RICTOR: variants seen among roughly 807,000 people sequenced by gnomAD.
The protein encoded by RICTOR is RPTOR independent companion of MTOR complex 2.
RICTOR carries 49 observed loss-of-function variants against 214.9 expected under a neutral mutation model. The observed-to-expected ratio is 0.23, with a 90% CI of 0.18 to 0.29. RICTOR has a LOEUF of 0.29. Ranked by LOEUF, RICTOR falls within the 10% of genes least tolerant of loss-of-function variation. RICTOR has a pLI of 1.00. For synonymous variants in RICTOR, 717 were observed against 711.3 expected (o/e 1.01, Z -0.13); for missense variants, 1,625 against 2,047.0 (o/e 0.79, Z 3.98).
chr5:39,028,712 T>C (rs569569715), intron 2 of RICTOR, among the ~76,000 whole-genome samples: 1 of 152,104 alleles, frequency 6.6e-6, no homozygotes, highest in Non-Finnish European at 1.5e-5. Context: ...TTGTAGTATA[T>C]CTACATATTG....
Position 38,942,302 on chromosome 5 carries a change from G to T in RICTOR, c.*2C>A, listed in dbSNP as rs1579847174. On this transcript the variant is annotated 3_prime_UTR_variant, in exon 38 of 38. Coordinates refer to ENST00000357387, the MANE Select transcript of RICTOR (RefSeq NM_152756.5). ...GTATCTATATCCATCATAAATATGA[G>T]GTCAGGATTCAGCAGATGTATCAAC... 1.9e-6 allele frequency: 3 copies of T among 1,568,442 alleles called. No homozygotes were observed. Among genetic ancestry groups the T allele is most frequent in the African/African-American group, 2.7e-5 (2 of 74,172 alleles).
chr5:39,015,914 C>T (rs1438280343), intron 3 of RICTOR, among the ~76,000 whole-genome samples: 2 of 152,086 alleles, frequency 1.3e-5, no homozygotes, highest in African/African-American at 4.8e-5. Flanking sequence ...TAAGATTGCC[C>T]TGACAGTTAA....
chr5:39,039,989 A>C (rs1757044960), intron 2 of RICTOR, among the ~76,000 whole-genome samples: 1 of 152,174 alleles, frequency 6.6e-6, no homozygotes, highest in Non-Finnish European at 1.5e-5. Flanking sequence ...AGGATTATAA[A>C]TCATGGTGCT....
chr5:38,968,067 T>C (rs772009789), intron 11 of RICTOR, 37 bp from the exon 12 acceptor site: 4 of 1,169,310 alleles, frequency 3.4e-6, no homozygotes, highest in East Asian at 2.3e-5. Context: ...TTTATTTTTA[T>C]GAAACACTTT....
At chr5:39,073,152 G>A (rs573380811) in intron 2 of RICTOR, among the ~76,000 whole-genome samples, 6 of 152,232 alleles carry the variant, frequency 3.9e-5, no homozygotes, top group Non-Finnish European at 5.9e-5. Context: ...ACTTCCTAAG[G>A]TGTTTTATAG....
rs1297648021 is a variant in RICTOR at position 38,940,620 on chromosome 5, A to T, written c.*1684T>A. The T allele has an allele frequency of 2.6e-5, 6 of 232,784 alleles. No homozygotes were observed. In the East Asian group the frequency reaches 3.0e-4, roughly 12 times the overall value. 14.4% of individuals were successfully genotyped at this position (232,784 alleles called of 1,614,324 possible). Reference sequence around the variant, plus strand: ...TGAAGAACCACTTTTCAACATAAGCAGCAGCTTACAGCCCTTATCTGCTTT... The same window carrying T: ...TGAAGAACCACTTTTCAACATAAGCTGCAGCTTACAGCCCTTATCTGCTTT... On this transcript the variant is annotated 3_prime_UTR_variant, in exon 38 of 38. Transcript: ENST00000357387.
In RICTOR at chr5:38,949,803, C is replaced by T. The variant is rs1384004906; in HGVS notation, c.4045G>A (p.Glu1349Lys). 3 of 1,613,322 alleles carry T rather than the reference C, an allele frequency of 1.9e-6. No homozygotes were observed. Among genetic ancestry groups the T allele is most frequent in the African/African-American group, 1.3e-5 (1 of 74,858 alleles). ...QRMHPSLSHS[E>K]ALASPAKDVL... ...TCTTTTGCTGGAGATGCCAAAGCTT[C>T]AGAGTGAGATAAGGATGGATGCATT... The change falls in exon 31 of 38, where the codon GAA becomes AAA. Residue 1349 changes from glutamate to lysine, a missense_variant. Transcript: ENST00000357387.
At chr5:38,942,453 T>A in intron 37 of RICTOR, 75 bp from the exon 38 acceptor site, 3 of 251,134 alleles carry the variant, frequency 1.2e-5, no homozygotes, top group South Asian at 9.9e-5. Context: ...AAATATCTAA[T>A]TTTTTTTTTT....
chr5:39,042,554 T>C (rs958098022), intron 2 of RICTOR, among the ~76,000 whole-genome samples: 3 of 152,190 alleles, frequency 2.0e-5, no homozygotes, highest in African/African-American at 7.2e-5. Flanking sequence ...TTCCTCAATA[T>C]ATAATACAAT....
chr5:39,023,796 T>C (rs975794840), intron 2 of RICTOR, among the ~76,000 whole-genome samples: 2 of 152,236 alleles, frequency 1.3e-5, no homozygotes, highest in Non-Finnish European at 2.9e-5. Flanking sequence ...CTGGGTGTTG[T>C]CTATGACAAC....
intron 2 of RICTOR, among the ~76,000 whole-genome samples, chr5:39,025,484 C>T (rs9292729): frequency 0.62 from 94,508 of 152,156 alleles, 29,425 homozygotes; most frequent in African/African-American, 0.66. Context: ...AAAGCAAGTG[C>T]AGAAAATGGA....
At chr5:39,046,433 A>G (rs2150179158) in intron 2 of RICTOR, among the ~76,000 whole-genome samples, 1 of 133,302 alleles carries the variant, frequency 7.5e-6, no homozygotes, top group East Asian at 2.3e-4. Flanking sequence ...TATCTTTGAA[A>G]TATTACTTTT....
chr5:38,969,131 C>T (rs893516933), intron 11 of RICTOR, among the ~76,000 whole-genome samples: 3 of 151,768 alleles, frequency 2.0e-5, no homozygotes, highest in Admixed American at 6.6e-5. Context: ...CCACCACGCC[C>T]GGCTAATTTT....
chr5:39,022,620 G>C (rs1391535114), intron 2 of RICTOR: 3 of 152,754 alleles, frequency 2.0e-5, no homozygotes, highest in Admixed American at 2.0e-4. Context: ...CTGGTAGCTG[G>C]GGGACAGATG....
rs1031488522 is a variant in RICTOR at position 38,958,586 on chromosome 5, C to T, written c.2344-67G>A. On this transcript the variant is annotated intron_variant, in intron 23 of 37. Transcript: ENST00000357387. The stretch of plus-strand genomic sequence containing the variant: ...TAGCAAAATTTTTAGTTCCAAAATG[C>T]CTATTATATACTTTTACATAATTGT... The T allele has an allele frequency of 1.4e-5, 21 of 1,514,496 alleles. No homozygotes were observed. The East Asian group carries it at 3.8e-4, about 28-fold the overall frequency. The allele number at this position is 1,514,496 out of a possible 1,614,324, so 93.8% of individuals were successfully genotyped here.
chr5:38,943,397 A>G (rs1159719477), intron 36 of RICTOR: 1 of 162,094 alleles, frequency 6.2e-6, no homozygotes, highest in Non-Finnish European at 1.3e-5. Context: ...GCACCTCAGA[A>G]TCAGCTGTGA....
chr5:39,055,168 A>G (rs1758115818), intron 2 of RICTOR, among the ~76,000 whole-genome samples: 1 of 152,026 alleles, frequency 6.6e-6, no homozygotes, highest in South Asian at 2.1e-4. Flanking sequence ...GAAACCCTCT[A>G]ATGACTTCCC....
chr5:38,976,966 T>C (rs987384667), intron 9 of RICTOR, among the ~76,000 whole-genome samples: 1 of 152,226 alleles, frequency 6.6e-6, no homozygotes, highest in East Asian at 1.9e-4. Flanking sequence ...GTTTATGTTA[T>C]ATTGTCTAGC....
chr5:39,071,190 T>A (rs1438574364), intron 2 of RICTOR, among the ~76,000 whole-genome samples: 1 of 152,218 alleles, frequency 6.6e-6, no homozygotes, highest in African/African-American at 2.4e-5. Context: ...TCTAAGGTTC[T>A]ATGAAATACA....
Sources: gnomAD v4.1 joint callset for allele counts (sites outside exome capture counted in the v4.1 genomes callset) on GRCh38, gnomAD v4.1.1 for gene constraint, MANE v1.5 for transcripts, NCBI Gene and HGNC (gene_info 2026-07-23, HGNC 2026-07-21) for gene names.